Variants in PCDH15 observed in about 807,000 individuals in gnomAD.
PCDH15 encodes protocadherin related 15.
A neutral mutation model predicts 178.5 loss-of-function variants in PCDH15; 129 were observed. The ratio of observed to expected loss-of-function variants is 0.72; its 90% CI spans 0.63 to 0.84. PCDH15 has a LOEUF of 0.84. Among genes scored for constraint, PCDH15 ranks in the 40% least tolerant of loss-of-function variants. The pLI is 0.00. For missense variants in PCDH15, 2,230 were observed against 2,099.9 expected (o/e 1.06, Z -1.21); for synonymous variants, 800 against 732.0 (o/e 1.09, Z -1.50).
intron 16 of PCDH15, among the ~76,000 whole-genome samples, chr10:54,088,790 G>T (rs1565226275): frequency 6.6e-6 from 1 of 152,100 alleles, no homozygotes; most frequent in Non-Finnish European, 1.5e-5. Context: ...TTGAAACAAA[G>T]TTCTTTCCTG....
intron 2 of PCDH15, among the ~76,000 whole-genome samples, chr10:55,542,134 A>T (rs769201720): frequency 1.3e-5 from 2 of 148,258 alleles, no homozygotes; most frequent in African/African-American, 4.9e-5. Context: ...AATCAGTATT[A>T]TATATATATG....
intron 3 of PCDH15, among the ~76,000 whole-genome samples, chr10:54,395,099 A>T (rs1951034448): frequency 6.6e-6 from 1 of 152,116 alleles, no homozygotes; most frequent in Non-Finnish European, 1.5e-5. Flanking sequence ...CTGTAATTAC[A>T]TCCTCCTCAG....
chr10:54,043,585 T>A (rs1197231502), intron 18 of PCDH15, among the ~76,000 whole-genome samples: 1 of 151,912 alleles, frequency 6.6e-6, no homozygotes, highest in African/African-American at 2.4e-5. Flanking sequence ...GACAGAGATT[T>A]GCCATGTTGC....
chr10:55,461,379 A>G (rs1234337103), intron 2 of PCDH15, among the ~76,000 whole-genome samples: 1 of 152,166 alleles, frequency 6.6e-6, no homozygotes, highest in Admixed American at 6.6e-5. Flanking sequence ...GATGGCTTTC[A>G]CATCAGCATG....
At chr10:53,943,365 A>C (rs2086239262) in intron 23 of PCDH15, among the ~76,000 whole-genome samples, 1 of 151,974 alleles carries the variant, frequency 6.6e-6, no homozygotes, top group Non-Finnish European at 1.5e-5. Context: ...AGTCCCAGCT[A>C]CTCGGGAGGA....
intron 1 of PCDH15, among the ~76,000 whole-genome samples, chr10:54,768,625 T>C (rs2133234661): frequency 6.6e-6 from 1 of 152,268 alleles, no homozygotes; most frequent in South Asian, 2.1e-4. Flanking sequence ...GGACACCCCA[T>C]ATCCCAAATA....
chr10:54,224,672 A>G (rs1203036455), intron 9 of PCDH15, among the ~76,000 whole-genome samples: 1 of 152,070 alleles, frequency 6.6e-6, no homozygotes, highest in Non-Finnish European at 1.5e-5. Flanking sequence ...CCCTAACAAC[A>G]CATTTGTTTT....
intron 11 of PCDH15, among the ~76,000 whole-genome samples, chr10:54,195,214 C>T (rs1034051423): frequency 5.3e-5 from 8 of 152,086 alleles, no homozygotes; most frequent in African/African-American, 1.9e-4. Context: ...GCGTAAGCAT[C>T]CACATAGTCA....
Position 53,807,044 on chromosome 10 carries a change from C to T in PCDH15, c.4758G>A (p.Gln1586=), listed in dbSNP as rs368096085. ...TACTAGGATGGTGAAGACGGTTTCT[C>T]TGACATTCAGGAGCACTGTCTTCTC... ...STGEDSAPEC[Q]RNRLHHPSIH... is the part of the protein sequence containing the mutation. Residue 1586 remains glutamine (Q), a synonymous_variant, in exon 38 of 38, where the codon CAG becomes CAA. Coordinates refer to ENST00000644397, the MANE Select transcript of PCDH15 (RefSeq NM_001384140.1). 2.3e-5 allele frequency: 37 copies of T among 1,613,488 alleles called. No homozygotes were observed. The highest frequency in any genetic ancestry group is 3.0e-5 in the Non-Finnish European group (35 of 1,179,772).
chr10:54,638,807 C>T lies in PCDH15; in HGVS notation c.91+25365G>A, dbSNP rs144563023. 5.5e-3 allele frequency among the ~76,000 whole-genome samples: 830 copies of T among 151,996 alleles called. 3 individuals are homozygous for T. Among genetic ancestry groups the T allele is most frequent in the Middle Eastern group, 0.017 (5 of 294 alleles). On this transcript the variant is annotated intron_variant, in intron 2 of 37. Coordinates refer to ENST00000644397, the MANE Select transcript of PCDH15 (RefSeq NM_001384140.1). Reference sequence around the variant, plus strand: ...ATCTAAGTGTCCACCAACCAATGAGCGGATAAAGAAAACATGGTATATAGA... The same window carrying T: ...ATCTAAGTGTCCACCAACCAATGAGTGGATAAAGAAAACATGGTATATAGA...
chr10:55,268,748 G>T (rs1479219629), intron 1 of PCDH15, among the ~76,000 whole-genome samples: 1 of 152,136 alleles, frequency 6.6e-6, no homozygotes, highest in Admixed American at 6.5e-5. Context: ...AGTTGGCATA[G>T]TGTTTGCAAG....
chr10:55,554,905 C>T (rs1040435564), intron 2 of PCDH15, among the ~76,000 whole-genome samples: 1 of 151,992 alleles, frequency 6.6e-6, no homozygotes, highest in African/African-American at 2.4e-5. Context: ...GTGAGGCATA[C>T]TGGCCAGGTA....
At chr10:54,611,391 C>T (rs891941995) in intron 2 of PCDH15, among the ~76,000 whole-genome samples, 3 of 151,852 alleles carry the variant, frequency 2.0e-5, no homozygotes, top group African/African-American at 7.2e-5. Flanking sequence ...CCTCTGATTA[C>T]TTTAGAATTC....
intron 3 of PCDH15, among the ~76,000 whole-genome samples, chr10:54,853,295 A>G (rs866486366): frequency 2.5e-4 from 25 of 101,830 alleles, no homozygotes; most frequent in Non-Finnish European, 3.8e-4. Context: ...GTGTGTATAT[A>G]TATATATATA....
At chr10:54,573,560 A>G (rs1021618821) in intron 2 of PCDH15, among the ~76,000 whole-genome samples, 1 of 152,198 alleles carries the variant, frequency 6.6e-6, no homozygotes. Context: ...TTTCCCAAAA[A>G]TAATTTTTAA....
intron 3 of PCDH15, among the ~76,000 whole-genome samples, chr10:54,515,756 C>T (rs1022054276): frequency 2.0e-5 from 3 of 152,218 alleles, no homozygotes; most frequent in Admixed American, 6.5e-5. Flanking sequence ...ACACCTCACA[C>T]GGTCGGGTAC....
chr10:54,657,142 C>T (rs944679958), intron 2 of PCDH15, among the ~76,000 whole-genome samples: 7 of 152,148 alleles, frequency 4.6e-5, no homozygotes, highest in African/African-American at 9.7e-5. Context: ...TGGTAGCTGC[C>T]GGAGGGGCAT....
intron 2 of PCDH15, among the ~76,000 whole-genome samples, chr10:55,475,658 T>G (rs1840048483): frequency 6.6e-6 from 1 of 152,126 alleles, no homozygotes; most frequent in Non-Finnish European, 1.5e-5. Context: ...ATAAAAGGTG[T>G]AAGTGAAGGA....
chr10:55,312,003 G>T (rs187096964), intron 1 of PCDH15, among the ~76,000 whole-genome samples: 2 of 152,310 alleles, frequency 1.3e-5, no homozygotes, highest in Admixed American at 1.3e-4. Flanking sequence ...TACATGCTGT[G>T]AATCAAGGGA....
Sources: allele counts gnomAD v4.1 joint callset (sites outside exome capture counted in the v4.1 genomes callset), GRCh38; gene constraint gnomAD v4.1.1; transcripts MANE v1.5; gene names NCBI Gene and HGNC (gene_info 2026-07-23, HGNC 2026-07-21).